Variants in METTL16 observed in about 807,000 individuals in gnomAD.
METTL16 encodes RNA N(6)-adenosine-methyltransferase METTL16.
Under a neutral mutation model 57.9 loss-of-function variants are expected in METTL16, and 19 were observed. The observed-to-expected ratio is 0.33, with a 90% confidence interval of 0.23 to 0.48. The LOEUF (loss-of-function observed/expected upper bound fraction) is 0.48, where lower values mean the gene tolerates loss of function less well. METTL16 is among the 20% of genes least tolerant of loss of function. The probability of loss-of-function intolerance (pLI) is 0.99; values close to 1 mark genes in which losing one functional copy is unlikely to be tolerated. For missense variants in METTL16, 434 were observed against 691.5 expected (o/e 0.63, Z 4.18); for synonymous variants, 246 against 255.6 (o/e 0.96, Z 0.36).
At chr17:2,435,004 A>G (rs1197786298) in intron 8 of METTL16, among the ~76,000 whole-genome samples, 6 of 152,270 alleles carry the variant, frequency 3.9e-5, no homozygotes, top group Non-Finnish European at 1.5e-5. Context: ...CAATTAGCGG[A>G]GAGCTGGAAC....
intron 2 of METTL16, among the ~76,000 whole-genome samples, chr17:2,487,032 T>G: frequency 7.5e-6 from 1 of 133,162 alleles, no homozygotes; most frequent in East Asian, 2.2e-4. Flanking sequence ...AAAAAGGCTA[T>G]ATCTAGATAA....
intron 5 of METTL16, among the ~76,000 whole-genome samples, chr17:2,464,931 C>T (rs2067180178): frequency 6.6e-6 from 1 of 152,144 alleles, no homozygotes; most frequent in South Asian, 2.1e-4. Context: ...ATAAATTGGA[C>T]TTCATCCGAA....
rs768958488 is a variant in METTL16 at position 2,417,970 on chromosome 17, G to A, written c.*2000C>T. 3.9e-5 allele frequency: 6 copies of A among 152,098 alleles called. No individual in the cohort carries two copies. Among genetic ancestry groups the A allele is most frequent in the Non-Finnish European group, 7.3e-5 (5 of 68,032 alleles). 9.4% of individuals were successfully genotyped at this position (152,098 alleles called of 1,614,324 possible). A position where few individuals can be genotyped will look rare whatever the true frequency, so the allele number is the denominator to read the frequency against. On this transcript the variant is annotated 3_prime_UTR_variant, in exon 10 of 10. Coordinates refer to ENST00000263092, the MANE Select transcript of METTL16 (RefSeq NM_024086.4). ...AATGACTCAAATGTAATATTCACTC[G>A]AGGTAAGGACAGTGGGGTGGTGTGG...
chr17:2,468,910 T>G (rs965785980), intron 4 of METTL16, among the ~76,000 whole-genome samples: 2 of 138,880 alleles, frequency 1.4e-5, no homozygotes, highest in Admixed American at 7.1e-5. Flanking sequence ...GTTTTTTTTT[T>G]GTTGTTGTGT....
chr17:2,417,856 A>G lies in METTL16; in HGVS notation c.*2114T>C, dbSNP rs2066731936. On this transcript the variant is annotated 3_prime_UTR_variant, in exon 10 of 10. Transcript: ENST00000263092. ...CTCTTTCATAATGAAACAAGCAAAC[A>G]ATAAGTACTTACTACTTACTGAATG... The G allele has an allele frequency of 6.6e-6, 1 of 152,196 alleles. No individual in the cohort carries two copies. Among genetic ancestry groups the G allele is most frequent in the South Asian group, 2.1e-4 (1 of 4,828 alleles). The allele number at this position is 152,196 out of a possible 1,614,324, so 9.4% of individuals were successfully genotyped here. A position where few individuals can be genotyped will look rare whatever the true frequency, so the allele number is the denominator to read the frequency against.
Position 2,496,364 on chromosome 17 carries a change from CA to C in METTL16, c.128+5839del, listed in dbSNP as rs1353658847. On this transcript the variant is annotated intron_variant, in intron 2 of 9. Transcript: ENST00000263092. ...TCAGGCTGGAGTGCAGTGGTGTAAT[CA>C]TAAGTTCACTGCAGCCTTGAACTCC... is the stretch of plus-strand genomic sequence containing the variant. 1.3e-5 allele frequency among the ~76,000 whole-genome samples: 2 copies of C among 151,368 alleles called. 1 individual carries two copies. Among genetic ancestry groups the C allele is most frequent in the African/African-American group, 4.9e-5 (2 of 40,760 alleles).
intron 6 of METTL16, among the ~76,000 whole-genome samples, chr17:2,444,555 A>G (rs1484418413): frequency 6.6e-6 from 1 of 152,202 alleles, no homozygotes; most frequent in African/African-American, 2.4e-5. Context: ...TTTAAAAAAT[A>G]AAGTGTAGCT....
intron 6 of METTL16, among the ~76,000 whole-genome samples, chr17:2,449,226 T>C (rs901858846): frequency 6.6e-5 from 10 of 152,042 alleles, no homozygotes; most frequent in African/African-American, 2.4e-4. Flanking sequence ...CTAAACCAGG[T>C]TGGAATGGAA....
chr17:2,464,991 A>ATTTCTT (rs1567895279), intron 5 of METTL16, among the ~76,000 whole-genome samples: 1 of 152,218 alleles, frequency 6.6e-6, no homozygotes, highest in Non-Finnish European at 1.5e-5. Context: ...TGAGAAGACA[A>ATTTCTT]CCCACAGGAA....
Position 2,420,474 on chromosome 17 carries a change from A to C in METTL16, c.1185T>G (p.Val395=). The stretch of plus-strand genomic sequence containing the variant: ...GAATGACGTCCTCAGGAGCTCGGGG[A>C]ACTTCTCTCAGCTGTCTCACACGCT... The part of the protein sequence containing the change: ...KRERVRQLRE[V]PRAPEDVIQA... The change falls in exon 10 of 10, where the codon GTT becomes GTG. Residue 395 remains valine (V), a synonymous_variant. Transcript: ENST00000263092. The surrounding 1 kb of genome is among the most constrained non-coding windows in gnomAD (Gnocchi z 5.4). 6.2e-7 allele frequency: 1 copy of C among 1,614,030 alleles called. No individual in the cohort carries two copies. The highest frequency in any genetic ancestry group is 1.1e-5 in the South Asian group (1 of 91,080).
intron 6 of METTL16, among the ~76,000 whole-genome samples, chr17:2,454,321 T>G (rs2067092693): frequency 6.6e-6 from 1 of 152,098 alleles, no homozygotes; most frequent in Non-Finnish European, 1.5e-5. Flanking sequence ...ATTATGAACC[T>G]TACCTAAAAA....
chr17:2,463,019 T>C (rs998732449), intron 6 of METTL16, among the ~76,000 whole-genome samples: 1 of 152,166 alleles, frequency 6.6e-6, no homozygotes, highest in Non-Finnish European at 1.5e-5. Flanking sequence ...TCTTTTTGAG[T>C]ACCTTATGTT....
intron 8 of METTL16, among the ~76,000 whole-genome samples, chr17:2,437,380 G>T (rs1042900633): frequency 6.6e-6 from 1 of 152,086 alleles, no homozygotes; most frequent in African/African-American, 2.4e-5. Context: ...CAACTTCTAC[G>T]TTCTCCAGGA....
chr17:2,492,080 G>GGGCGC (rs2067399905), intron 2 of METTL16, among the ~76,000 whole-genome samples: 1 of 150,938 alleles, frequency 6.6e-6, no homozygotes, highest in African/African-American at 2.4e-5. Context: ...GCGTGGTGGC[G>GGGCGC]GGTGCCTGTA....
At chr17:2,457,698 G>A (rs1329949489) in intron 6 of METTL16, among the ~76,000 whole-genome samples, 5 of 147,506 alleles carry the variant, frequency 3.4e-5, no homozygotes, top group African/African-American at 5.0e-5. Context: ...ATGACAGAGC[G>A]AGACTCTGTC....
In METTL16 at chr17:2,416,758, C is replaced by T. The variant is rs2066719595; in HGVS notation, c.*3212G>A. 6.6e-6 allele frequency: 1 copy of T among 152,166 alleles called. No individual in the cohort carries two copies. The highest frequency in any genetic ancestry group is 1.5e-5 in the Non-Finnish European group (1 of 68,044). The allele number at this position is 152,166 out of a possible 1,614,324, so 9.4% of individuals were successfully genotyped here. ...AAGATTTAATTTCATACCAACCCCG[C>T]AACATGAATGTGACCTCTGGACACC... On this transcript the variant is annotated 3_prime_UTR_variant, in exon 10 of 10. Transcript: ENST00000263092.
At chr17:2,465,546 CA>C (rs547864019) in intron 5 of METTL16, among the ~76,000 whole-genome samples, 646 of 24,500 alleles carry the variant, frequency 0.026, 1 homozygote, top group African/African-American at 0.087. Flanking sequence ...GACTCCATCT[CA>C]AAAAAAAAAA....
intron 7 of METTL16, among the ~76,000 whole-genome samples, chr17:2,440,957 C>A (rs1403094800): frequency 1.0e-5 from 1 of 95,624 alleles, no homozygotes; most frequent in Non-Finnish European, 1.9e-5. Context: ...GGGAACAGAG[C>A]TAGACTTGAT....
chr17:2,495,412 T>C (rs954013832), intron 2 of METTL16, among the ~76,000 whole-genome samples: 1 of 151,872 alleles, frequency 6.6e-6, no homozygotes, highest in African/African-American at 2.4e-5. Flanking sequence ...AAAAGATGAT[T>C]TCGGCTGGGT....
Sources: gnomAD v4.1 joint callset for allele counts (sites outside exome capture counted in the v4.1 genomes callset) on GRCh38, gnomAD v4.1.1 for gene constraint, Gnocchi (gnomAD v3.1) non-coding constraint, MANE v1.5 for transcripts, NCBI Gene and HGNC (gene_info 2026-07-23, HGNC 2026-07-21) for gene names.